The following GPD2 variants were observed in gnomAD, a reference collection of about 807,000 sequenced individuals.
GPD2 encodes glycerol-3-phosphate dehydrogenase, mitochondrial.
Under a neutral mutation model 82.4 loss-of-function variants are expected in GPD2, and 54 were observed. That is an observed-to-expected ratio of 0.66 (90% CI 0.53 to 0.82). GPD2 has a LOEUF of 0.82. Among genes scored for constraint, GPD2 ranks in the 40% least tolerant of loss-of-function variants. The pLI, the probability that GPD2 is intolerant of heterozygous loss-of-function variation, is 0.00. For missense variants in GPD2, 748 were observed against 896.2 expected (o/e 0.83, Z 2.11); for synonymous variants, 288 against 306.1 (o/e 0.94, Z 0.62).
intron 7 of GPD2, 39 bp downstream of exon 7, chr2:156,549,811 C>T (rs761559781): frequency 5.3e-5 from 76 of 1,426,678 alleles, no homozygotes; most frequent in Non-Finnish European, 7.1e-5. Flanking sequence ...TTCTTAGTAT[C>T]TTGCCTAGCT....
the GPD2 span, among the ~76,000 whole-genome samples, chr2:156,401,134 A>G: frequency 3.0e-3 from 451 of 152,336 alleles, 1 homozygote; most frequent in Non-Finnish European, 4.6e-3. Flanking sequence ...GAAAAAAACT[A>G]GAAGTCAAAA....
At chr2:156,447,183 T>C (rs565948442) in intron 1 of GPD2, among the ~76,000 whole-genome samples, 11 of 152,304 alleles carry the variant, frequency 7.2e-5, no homozygotes, top group Admixed American at 6.5e-5. Flanking sequence ...ATTGCACCTG[T>C]GCCCCATTCT....
rs1687564719 is a variant in GPD2, at chr2:156,570,233, A to G, written c.1608+15A>G. 1.2e-6 allele frequency: 2 copies of G among 1,609,146 alleles called. No individual in the cohort carries two copies. The highest frequency in any genetic ancestry group is 1.7e-5 in the Admixed American group (1 of 59,956). Reference sequence around the variant, plus strand: ...TTGAAGCAGAGGTATGTGAATGGTCACATAGGAATTTCATGTCTGCCATGG... The same window carrying G: ...TTGAAGCAGAGGTATGTGAATGGTCGCATAGGAATTTCATGTCTGCCATGG... On this transcript the variant is annotated intron_variant, in intron 12 of 16. Transcript: ENST00000438166.
intron 1 of GPD2, among the ~76,000 whole-genome samples, chr2:156,445,136 G>A (rs1682325420): frequency 6.6e-6 from 1 of 152,154 alleles, no homozygotes; most frequent in Non-Finnish European, 1.5e-5. Flanking sequence ...GCAATGACAA[G>A]TATTTATTAA....
At chr2:156,488,439 T>G (rs1684027063) in intron 2 of GPD2, among the ~76,000 whole-genome samples, 1 of 152,214 alleles carries the variant, frequency 6.6e-6, no homozygotes, top group Non-Finnish European at 1.5e-5. Context: ...GAGTGACGGT[T>G]GCAGTCTGAG....
chr2:156,452,418 G>A (rs1269010622), intron 1 of GPD2, among the ~76,000 whole-genome samples: 3 of 152,274 alleles, frequency 2.0e-5, no homozygotes, highest in African/African-American at 7.2e-5. Context: ...GTCAGGCGCG[G>A]CGGCGCGCAC....
chr2:156,458,413 C>G (rs1312877045), intron 1 of GPD2, among the ~76,000 whole-genome samples: 8 of 152,104 alleles, frequency 5.3e-5, no homozygotes, highest in Admixed American at 4.6e-4. Context: ...TGCAAATCCC[C>G]GAGGGGCTGT....
At chr2:156,492,144 TAC>T in intron 2 of GPD2, among the ~76,000 whole-genome samples, 1 of 134,160 alleles carries the variant, frequency 7.5e-6, no homozygotes, top group African/African-American at 2.7e-5. Context: ...ATTCCCTCCC[TAC>T]CTTTTTTTTT....
chr2:156,575,615 G>A (rs943192267), intron 13 of GPD2, among the ~76,000 whole-genome samples: 5 of 151,284 alleles, frequency 3.3e-5, no homozygotes, highest in East Asian at 1.9e-4. Flanking sequence ...CATGCTGTCC[G>A]GGCTGGTCTC....
the GPD2 span, among the ~76,000 whole-genome samples, chr2:156,429,344 G>A: frequency 9.2e-5 from 14 of 152,266 alleles, no homozygotes; most frequent in African/African-American, 3.1e-4. Context: ...ACTTATTCAT[G>A]TTCTCTGCAA....
intron 6 of GPD2, among the ~76,000 whole-genome samples, chr2:156,529,559 T>C (rs1685761571): frequency 6.6e-6 from 1 of 152,120 alleles, no homozygotes; most frequent in Non-Finnish European, 1.5e-5. Flanking sequence ...TTCTAGGGTT[T>C]TTATGGTTTT....
chr2:156,400,475 G>T, the GPD2 span, among the ~76,000 whole-genome samples: 1 of 152,176 alleles, frequency 6.6e-6, no homozygotes, highest in Non-Finnish European at 1.5e-5. Flanking sequence ...CGGGAGTCCC[G>T]CCGCTGTGGC....
At chr2:156,571,325 C>A (rs1469651) in intron 13 of GPD2, 33 bp downstream of exon 13, 977,756 of 1,381,508 alleles carry the variant, frequency 0.71, 347,577 homozygotes, top group East Asian at 0.8. Context: ...ACCACAATTC[C>A]TATTGTAAAC....
intron 1 of GPD2, among the ~76,000 whole-genome samples, chr2:156,472,494 G>A (rs960858574): frequency 6.6e-6 from 1 of 151,942 alleles, no homozygotes; most frequent in Non-Finnish European, 1.5e-5. Context: ...GCTAATTTTT[G>A]TATTTTTAGT....
chr2:156,406,173 G>C, the GPD2 span, among the ~76,000 whole-genome samples: 1 of 151,984 alleles, frequency 6.6e-6, no homozygotes, highest in Non-Finnish European at 1.5e-5. Flanking sequence ...TACTGGCTGG[G>C]AATTAAATCA....
At chr2:156,555,186 C>T (rs979193403) in intron 8 of GPD2, among the ~76,000 whole-genome samples, 3 of 152,172 alleles carry the variant, frequency 2.0e-5, no homozygotes, top group Non-Finnish European at 4.4e-5. Flanking sequence ...TTATACCATT[C>T]GTTAATAGCT....
intron 1 of GPD2, 100 bp from the exon 2 acceptor site, chr2:156,475,998 T>C (rs1432132726): frequency 6.8e-6 from 5 of 739,746 alleles, no homozygotes; most frequent in African/African-American, 5.3e-5. Context: ...TCTTTTCTAG[T>C]TTAACATGGT....
chr2:156,572,459 TA>T (rs1687675545), intron 13 of GPD2, among the ~76,000 whole-genome samples: 1 of 152,130 alleles, frequency 6.6e-6, no homozygotes, highest in Non-Finnish European at 1.5e-5. Flanking sequence ...ATTACCGCAA[TA>T]GCTTCCCTCC....
At chr2:156,443,929 C>T (rs980852851) in intron 1 of GPD2, among the ~76,000 whole-genome samples, 3 of 152,196 alleles carry the variant, frequency 2.0e-5, no homozygotes, top group Non-Finnish European at 4.4e-5. Flanking sequence ...TCTATGGGGA[C>T]AGCGCATTGG....
Sources: gnomAD v4.1 joint callset for allele counts (sites outside exome capture counted in the v4.1 genomes callset) on GRCh38, gnomAD v4.1.1 for gene constraint, MANE v1.5 for transcripts, NCBI Gene and HGNC (gene_info 2026-07-23, HGNC 2026-07-21) for gene names.